The following RELL1 variants were observed in gnomAD, a reference collection of about 807,000 sequenced individuals.
RELL1 encodes RELT-like protein 1.
In RELL1, 10 loss-of-function variants were observed where a neutral mutation model predicts 23.0. The observed-to-expected ratio is 0.43, with a 90% CI of 0.27 to 0.74. The LOEUF is 0.74. Ranked by LOEUF, RELL1 falls within the 30% of genes least tolerant of loss-of-function variation. The pLI is 0.19. For synonymous variants in RELL1, 146 were observed against 146.8 expected (o/e 0.99, Z 0.04); for missense variants, 315 against 364.4 (o/e 0.86, Z 1.10).
At position 37,612,342 on chromosome 4, in the gene RELL1, A is replaced by AC. The variant is rs1224753339; in HGVS notation, c.*1003_*1004insG. On this transcript the variant is annotated 3_prime_UTR_variant, in exon 7 of 7. Coordinates refer to ENST00000454158, the MANE Select transcript of RELL1 (RefSeq NM_001085400.2). ...AAGGTTAAAAAAAAAAAAAAAACAA[A>AC]AAAAAACAAAAAACCGGGTGCAGTG... Among the ~76,000 whole-genome samples the AC allele has an allele frequency of 5.3e-5, 7 of 131,860 alleles. No individual in the cohort carries two copies. Among genetic ancestry groups the AC allele is most frequent in the African/African-American group, 8.6e-5 (3 of 34,768 alleles). 86.5% of individuals were successfully genotyped at this position (131,860 alleles called of 152,430 possible). A position where few individuals can be genotyped will look rare whatever the true frequency, so the allele number is the denominator to read the frequency against.
intron 6 of RELL1, among the ~76,000 whole-genome samples, chr4:37,629,417 G>A (rs982820781): frequency 3.3e-5 from 5 of 152,160 alleles, no homozygotes; most frequent in African/African-American, 1.2e-4. Flanking sequence ...CATTTGGAGA[G>A]GTTTATAATG....
chr4:37,652,119 A>G (rs887363481), intron 1 of RELL1, among the ~76,000 whole-genome samples: 3 of 152,234 alleles, frequency 2.0e-5, no homozygotes, highest in Non-Finnish European at 2.9e-5. Context: ...TGAAATGAGC[A>G]CGGTTCATCA....
At chr4:37,654,766 T>G (rs188147770) in intron 1 of RELL1, among the ~76,000 whole-genome samples, 2 of 152,354 alleles carry the variant, frequency 1.3e-5, no homozygotes, top group African/African-American at 4.8e-5. Flanking sequence ...TAAAGATCTA[T>G]GAAATTTTTT....
intron 6 of RELL1, chr4:37,622,992 A>T (rs1332321792): frequency 2.7e-6 from 1 of 367,086 alleles, no homozygotes; most frequent in Non-Finnish European, 5.3e-6. Context: ...TTTAGTAGAG[A>T]TGGGGTTTCA....
In RELL1 at chr4:37,683,117, T is replaced by C. The variant is rs13108851; in HGVS notation, c.88+3083A>G. 7.4e-3 allele frequency among the ~76,000 whole-genome samples: 1,130 copies of C among 152,336 alleles called. 7 individuals carry two copies. Among genetic ancestry groups the C allele is most frequent in the Non-Finnish European group, 0.012 (828 of 68,018 alleles). On this transcript the variant is annotated intron_variant, in intron 1 of 6. Transcript: ENST00000454158. The stretch of plus-strand genomic sequence containing the variant: ...TGAAGCTATCTGCCCTTCTTTTCTC[T>C]ACTTGACAACTTCTGATAACCACAT...
chr4:37,643,007 T>C (rs1389245772), intron 3 of RELL1, among the ~76,000 whole-genome samples: 1 of 152,208 alleles, frequency 6.6e-6, no homozygotes, highest in African/African-American at 2.4e-5. Flanking sequence ...TGTAATAAAG[T>C]GTTTCCCTGA....
chr4:37,665,192 A>G (rs1721489344), intron 1 of RELL1: 2 of 455,134 alleles, frequency 4.4e-6, no homozygotes, highest in Non-Finnish European at 8.8e-6. Flanking sequence ...CAGAATATCC[A>G]GTGTACTTAC....
intron 5 of RELL1, among the ~76,000 whole-genome samples, chr4:37,633,847 G>T (rs114893437): frequency 5.3e-5 from 8 of 152,286 alleles, no homozygotes; most frequent in Non-Finnish European, 1.0e-4. Context: ...ATGGAGCAAC[G>T]TAACAGTTTG....
intron 3 of RELL1, among the ~76,000 whole-genome samples, chr4:37,647,000 C>T (rs1720730723): frequency 6.6e-6 from 1 of 152,134 alleles, no homozygotes; most frequent in South Asian, 2.1e-4. Flanking sequence ...GCTGGGATTA[C>T]AGATGTGAGC....
At chr4:37,590,868 C>G (rs765538593) in exon 7 of RELL1, 2 of 1,614,220 alleles carry the variant, frequency 1.2e-6, no homozygotes, top group Non-Finnish European at 1.7e-6. Flanking sequence ...ACTCAGGAAA[C>G]AGGCAGGAGG....
At chr4:37,665,806 G>A (rs6811117) in intron 1 of RELL1, among the ~76,000 whole-genome samples, 51,559 of 152,040 alleles carry the variant, frequency 0.34, 10,754 homozygotes, top group African/African-American at 0.6. Context: ...CAGGAAACCA[G>A]TCCTTGGGGA....
At position 37,686,371 on chromosome 4, in the gene RELL1, T is replaced by G. The variant is rs1375871113; in HGVS notation, c.-84A>C. On this transcript the variant is annotated 5_prime_UTR_variant, in exon 1 of 7. Coordinates refer to ENST00000454158, the MANE Select transcript of RELL1 (RefSeq NM_001085400.2). ...AGCCGCTCCGGAGCCGGCGGGCTGA[T>G]CGAGTGGCTGGGCTGGGCCCCAGGG... 2.7e-6 allele frequency: 3 copies of G among 1,115,234 alleles called. No individual in the cohort carries two copies. The East Asian group carries it at 9.5e-5, about 35-fold the overall frequency. 69.1% of individuals were successfully genotyped at this position (1,115,234 alleles called of 1,614,324 possible).
At chr4:37,656,050 C>T (rs1377083617) in intron 1 of RELL1, among the ~76,000 whole-genome samples, 1 of 152,236 alleles carries the variant, frequency 6.6e-6, no homozygotes, top group South Asian at 2.1e-4. Context: ...GAGATACCTG[C>T]ACTCCCATGT....
downstream of RELL1, chr4:37,590,226 G>C (rs1196511207): frequency 1.5e-5 from 24 of 1,614,252 alleles, no homozygotes; most frequent in Non-Finnish European, 2.0e-5. Context: ...ATGACCCTCA[G>C]AGGCAGGGCT....
At chr4:37,602,011 C>T (rs1719028322) in intron 6 of RELL1, among the ~76,000 whole-genome samples, 1 of 151,712 alleles carries the variant, frequency 6.6e-6, no homozygotes, top group South Asian at 2.1e-4. Context: ...CTCAGGAGTT[C>T]GAGACCAGCC....
At chr4:37,643,526 A>G (rs1720596336) in intron 3 of RELL1, among the ~76,000 whole-genome samples, 1 of 152,202 alleles carries the variant, frequency 6.6e-6, no homozygotes, top group South Asian at 2.1e-4. Context: ...ACGTGGGAAA[A>G]GGGTAATAGA....
chr4:37,640,126 T>G (rs566504712), intron 3 of RELL1, among the ~76,000 whole-genome samples: 1 of 152,372 alleles, frequency 6.6e-6, no homozygotes, highest in Non-Finnish European at 1.5e-5. Context: ...ATTGCCCCAT[T>G]GCAACCCTTG....
intron 1 of RELL1, among the ~76,000 whole-genome samples, chr4:37,674,617 C>A (rs1046676980): frequency 6.6e-6 from 1 of 152,200 alleles, no homozygotes; most frequent in Non-Finnish European, 1.5e-5. Context: ...TTCACCAATG[C>A]CAGGAAATTC....
At chr4:37,616,973 A>C (rs1719596803) in intron 6 of RELL1, among the ~76,000 whole-genome samples, 2 of 152,234 alleles carry the variant, frequency 1.3e-5, no homozygotes, top group Non-Finnish European at 2.9e-5. Context: ...CAGTGCTTAT[A>C]GTCCTTTAAA....
Sources: allele counts gnomAD v4.1 joint callset (sites outside exome capture counted in the v4.1 genomes callset), GRCh38; gene constraint gnomAD v4.1.1; transcripts MANE v1.5; gene names NCBI Gene and HGNC (gene_info 2026-07-23, HGNC 2026-07-21).